PINX1: variants seen among roughly 807,000 people sequenced by gnomAD.
PINX1 encodes the protein PIN2 (TERF1) interacting telomerase inhibitor 1.
A neutral mutation model predicts 25.4 loss-of-function variants in PINX1; 34 were observed. The observed-to-expected ratio is 1.34, with a 90% CI of 1.02 to 1.78. The LOEUF (loss-of-function observed/expected upper bound fraction) is 1.78. Among genes scored for constraint, PINX1 ranks in the 40% most tolerant of loss-of-function variants. The pLI, the probability that PINX1 is intolerant of heterozygous loss-of-function variation, is 0.00. For synonymous variants in PINX1, 197 were observed against 147.7 expected, an observed-to-expected ratio of 1.33 and a Z score of -2.42; for missense variants, 592 against 404.9, an observed-to-expected ratio of 1.46 and a Z score of -3.97.
chr8:10,837,099 C>T (rs971800785), intron 1 of PINX1, among the ~76,000 whole-genome samples: 2 of 152,356 alleles, frequency 1.3e-5, no homozygotes, highest in East Asian at 3.9e-4. Context: ...CCACCATTCG[C>T]AGAACTGGTA....
At chr8:10,794,356 A>C (rs1802017214) in intron 6 of PINX1, among the ~76,000 whole-genome samples, 1 of 152,220 alleles carries the variant, frequency 6.6e-6, no homozygotes, top group Admixed American at 6.5e-5. Context: ...TTATTCACAA[A>C]AAGTAGCTTC....
At position 10,802,994 on chromosome 8, in the gene PINX1, G is replaced by A. The variant is rs182173529; in HGVS notation, c.471+17199C>T. The stretch of plus-strand genomic sequence containing the variant: ...AACTTCACACTTGCAGGATGACCAT[G>A]ACATTGTGAACTTCAATGTCACACA... On this transcript the variant is annotated intron_variant, in intron 6 of 6. Coordinates refer to ENST00000314787, the MANE Select transcript of PINX1 (RefSeq NM_017884.6). Among the ~76,000 whole-genome samples, 317 of 152,300 alleles carry A rather than the reference G, an allele frequency of 2.1e-3. 3 individuals are homozygous for A. Among genetic ancestry groups the A allele is most frequent in the Admixed American group, 0.015 (223 of 15,306 alleles).
At chr8:10,792,836 C>T (rs1022499959) in intron 6 of PINX1, among the ~76,000 whole-genome samples, 2 of 152,164 alleles carry the variant, frequency 1.3e-5, no homozygotes, top group African/African-American at 4.8e-5. Flanking sequence ...TTACTTAGCT[C>T]ATAATGTTTA....
intron 6 of PINX1, among the ~76,000 whole-genome samples, chr8:10,794,660 T>C (rs2005309): frequency 0.63 from 95,476 of 151,930 alleles, 30,952 homozygotes; most frequent in African/African-American, 0.77. Context: ...CTCCTGACCT[T>C]GTGATCCGTC....
At chr8:10,781,789 G>T (rs1431428035) in intron 6 of PINX1, among the ~76,000 whole-genome samples, 1 of 152,048 alleles carries the variant, frequency 6.6e-6, no homozygotes, top group Non-Finnish European at 1.5e-5. Context: ...GTTCCCAAAG[G>T]AATTAAAAAT....
intron 6 of PINX1, among the ~76,000 whole-genome samples, chr8:10,809,430 T>C (rs1185111828): frequency 6.6e-6 from 1 of 152,250 alleles, no homozygotes; most frequent in Non-Finnish European, 1.5e-5. Context: ...TTCTTCCTTT[T>C]ATCAAAAGCT....
At chr8:10,810,454 C>A (rs1459855199) in intron 6 of PINX1, among the ~76,000 whole-genome samples, 1 of 152,206 alleles carries the variant, frequency 6.6e-6, no homozygotes, top group Non-Finnish European at 1.5e-5. Context: ...TCTGTGCCTC[C>A]TGACAGACTC....
At chr8:10,820,681 G>T (rs1363086538) in intron 5 of PINX1, among the ~76,000 whole-genome samples, 11 of 152,014 alleles carry the variant, frequency 7.2e-5, no homozygotes, top group Admixed American at 6.5e-4. Flanking sequence ...AAATACACAT[G>T]AAAAAATATC....
At chr8:10,796,283 C>G (rs1802081698) in intron 6 of PINX1, among the ~76,000 whole-genome samples, 2 of 152,122 alleles carry the variant, frequency 1.3e-5, no homozygotes, top group Non-Finnish European at 2.9e-5. Flanking sequence ...GTCAAAGACT[C>G]CAGGCATGCG....
chr8:10,792,863 G>A (rs960657692), intron 6 of PINX1, among the ~76,000 whole-genome samples: 6 of 152,148 alleles, frequency 3.9e-5, no homozygotes, highest in Admixed American at 6.5e-5. Flanking sequence ...TAGTTAGTGT[G>A]AGTATACACA....
In PINX1 at chr8:10,839,855, C is replaced by A. The variant is rs899997541; in HGVS notation, c.-99G>T. The A allele has an allele frequency of 3.4e-6, 4 of 1,185,446 alleles. No homozygotes were observed. The highest frequency in any genetic ancestry group is 2.8e-5 in the East Asian group (1 of 36,142). 73.4% of individuals were successfully genotyped at this position (1,185,446 alleles called of 1,614,324 possible). A position where few individuals can be genotyped will look rare whatever the true frequency, so the allele number is the denominator to read the frequency against. On this transcript the variant is annotated 5_prime_UTR_variant, in exon 1 of 7. Coordinates refer to ENST00000314787, the MANE Select transcript of PINX1 (RefSeq NM_017884.6). ...AGAATCAGGACGTGCGTAACTCCCT[C>A]GCCGGCGGACTGCAGCGGACGGGGC...
Position 10,829,000 on chromosome 8 carries a change from T to C in PINX1, c.301+2665A>G, listed in dbSNP as rs192607417. On this transcript the variant is annotated intron_variant, in intron 4 of 6. Coordinates refer to ENST00000314787, the MANE Select transcript of PINX1 (RefSeq NM_017884.6). ...AATTTTATTCACTGTGATCTACTAA[T>C]CATGAGGGTAGGTGCAGTGGCTAAA... Among the ~76,000 whole-genome samples the C allele has an allele frequency of 2.1e-3, 322 of 152,198 alleles. 6 individuals carry two copies. The Middle Eastern group carries it at 0.031, about 14-fold the overall frequency.
rs1798345219 is a variant in PINX1, at chr8:10,834,722, C to G, written c.73G>C (p.Asp25His). ...VDPQNTAWSN[D>H]DSKFGQRMLE... Reference sequence around the variant, plus strand: ...ATCCGCTGGCCAAACTTGGAATCGTCATTACTCCAGGCAGTGTTCTGAGGA... The same window carrying G: ...ATCCGCTGGCCAAACTTGGAATCGTGATTACTCCAGGCAGTGTTCTGAGGA... The change falls in exon 2 of 7, where the codon GAC (aspartate) becomes CAC (histidine). Residue 25 changes from aspartate (D) to histidine (H), a missense_variant. Transcript: ENST00000314787. The G allele has an allele frequency of 1.9e-6, 3 of 1,613,972 alleles. No homozygotes were observed. The highest frequency in any genetic ancestry group is 2.5e-6 in the Non-Finnish European group (3 of 1,179,880).
In PINX1 at chr8:10,827,268, A is replaced by G. The variant is rs368146009; in HGVS notation, c.302-1024T>C. Reference sequence around the variant, plus strand: ...ATCAGAGATGACGATTAGGTGACGCATGGAGGAGCAGCAATAGCTCCAAGC... The same window carrying G: ...ATCAGAGATGACGATTAGGTGACGCGTGGAGGAGCAGCAATAGCTCCAAGC... On this transcript the variant is annotated intron_variant, in intron 4 of 6. Transcript: ENST00000314787. 3.3e-4 allele frequency among the ~76,000 whole-genome samples: 51 copies of G among 152,354 alleles called. No homozygotes were observed. The South Asian group carries it at 9.9e-3, about 30-fold the overall frequency.
intron 6 of PINX1, among the ~76,000 whole-genome samples, chr8:10,818,023 C>T (rs1430725836): frequency 6.6e-6 from 1 of 152,216 alleles, no homozygotes; most frequent in African/African-American, 2.4e-5. Context: ...GGGCAGAACC[C>T]TGGCATTAGC....
chr8:10,784,787 G>T (rs1801695948), intron 6 of PINX1, among the ~76,000 whole-genome samples: 1 of 152,164 alleles, frequency 6.6e-6, no homozygotes, highest in Admixed American at 6.5e-5. Context: ...ACTGAAGGGG[G>T]GATGTCATTA....
chr8:10,813,361 G>T (rs558199882), intron 6 of PINX1, among the ~76,000 whole-genome samples: 1 of 152,230 alleles, frequency 6.6e-6, no homozygotes, highest in Non-Finnish European at 1.5e-5. Context: ...GAATTAAAAG[G>T]CACTTGAAAA....
In PINX1 at chr8:10,765,061, C is replaced by A. The variant is rs1390366182; in HGVS notation, c.*340G>T. ...GAGCAAACGGAGATAGTGACACACA[C>A]ACACACACACAGATGCGCACATGCA... On this transcript the variant is annotated 3_prime_UTR_variant, in exon 7 of 7. Transcript: ENST00000314787. 5 of 228,674 alleles carry A rather than the reference C, an allele frequency of 2.2e-5. No individual in the cohort carries two copies. The highest frequency in any genetic ancestry group is 1.6e-4 in the Admixed American group (3 of 18,492). The allele number at this position is 228,674 out of a possible 1,614,324, so 14.2% of individuals were successfully genotyped here. A position where few individuals can be genotyped will look rare whatever the true frequency, so the allele number is the denominator to read the frequency against.
Position 10,765,345 on chromosome 8 carries a change from C to A in PINX1, c.*56G>T. The stretch of plus-strand genomic sequence containing the variant: ...TGCTGTGACTTCAGGCCAGAGGTGT[C>A]TGCCCCCGCAGTGCCCTGACAGCTG... On this transcript the variant is annotated 3_prime_UTR_variant, in exon 7 of 7. Transcript: ENST00000314787. 1 of 1,472,944 alleles carries A rather than the reference C, an allele frequency of 6.8e-7. No homozygotes were observed. The highest frequency in any genetic ancestry group is 2.3e-5 in the East Asian group (1 of 42,986). The allele number at this position is 1,472,944 out of a possible 1,614,324, so 91.2% of individuals were successfully genotyped here. A position where few individuals can be genotyped will look rare whatever the true frequency, so the allele number is the denominator to read the frequency against.
Sources: gnomAD v4.1 joint callset for allele counts (sites outside exome capture counted in the v4.1 genomes callset) on GRCh38, gnomAD v4.1.1 for gene constraint, MANE v1.5 for transcripts, NCBI Gene and HGNC (gene_info 2026-07-23, HGNC 2026-07-21) for gene names.